SYN2: variants seen among roughly 807,000 people sequenced by gnomAD.
SYN2 encodes the protein synapsin II.
Under a neutral mutation model 50.9 loss-of-function variants are expected in SYN2, and 19 were observed. The observed-to-expected ratio is 0.37, with a 90% confidence interval of 0.26 to 0.55. The LOEUF is 0.55. Ranked by LOEUF, SYN2 falls within the 20% of genes least tolerant of loss-of-function variation. The pLI, the probability that SYN2 is intolerant of heterozygous loss-of-function variation, is 0.81. For missense variants in SYN2, 587 were observed against 576.4 expected (o/e 1.02, Z -0.19); for synonymous variants, 255 against 224.9 (o/e 1.13, Z -1.20).
chr3:12,175,700 G>C (rs928578609), intron 10 of SYN2, among the ~76,000 whole-genome samples: 2 of 152,244 alleles, frequency 1.3e-5, no homozygotes, highest in Non-Finnish European at 2.9e-5. Context: ...ATGGGGACAG[G>C]GAGCTGGGGC....
Position 12,049,531 on chromosome 3 carries a change from AT to A in SYN2, c.377+44604del, listed in dbSNP as rs1194034848. Among the ~76,000 whole-genome samples, 6 of 147,082 alleles carry A rather than the reference AT, an allele frequency of 4.1e-5. 1 individual carries two copies. Among genetic ancestry groups the A allele is most frequent in the African/African-American group, 1.6e-4 (6 of 37,356 alleles). On this transcript the variant is annotated intron_variant, in intron 1 of 12. Coordinates refer to ENST00000621198, the MANE Select transcript of SYN2 (RefSeq NM_133625.6). The stretch of plus-strand genomic sequence containing the variant: ...GAGACTCCGTCTCAAAAAAAAAAAA[AT>A]AATAAAAAATAAAAAAACTGAAAGA...
intron 1 of SYN2, among the ~76,000 whole-genome samples, chr3:12,024,662 A>C (rs1014852418): frequency 1.3e-5 from 2 of 152,218 alleles, no homozygotes; most frequent in Non-Finnish European, 2.9e-5. Flanking sequence ...TTCTCTGAAT[A>C]TATCACAGTT....
At chr3:12,046,332 G>A (rs372556791) in intron 1 of SYN2, among the ~76,000 whole-genome samples, 4 of 152,180 alleles carry the variant, frequency 2.6e-5, no homozygotes, top group African/African-American at 9.7e-5. Flanking sequence ...AACATCCTGG[G>A]AGAAAGAACA....
chr3:12,185,581 G>A (rs1475344842), intron 11 of SYN2: 1 of 985,876 alleles, frequency 1.0e-6, no homozygotes, highest in Non-Finnish European at 1.2e-6. Context: ...CAGGTGTTTT[G>A]TACCTATTTC....
chr3:12,102,802 G>A (rs1451836047), intron 1 of SYN2, among the ~76,000 whole-genome samples: 2 of 151,954 alleles, frequency 1.3e-5, no homozygotes, highest in Non-Finnish European at 2.9e-5. Context: ...TTAGTTTTTT[G>A]TTAAACCACA....
chr3:12,096,140 C>G (rs1228337221), intron 1 of SYN2, among the ~76,000 whole-genome samples: 1 of 152,196 alleles, frequency 6.6e-6, no homozygotes, highest in African/African-American at 2.4e-5. Flanking sequence ...TAGAATTTAT[C>G]TCATGTCATC....
intron 1 of SYN2, among the ~76,000 whole-genome samples, chr3:12,112,945 T>A (rs144754197): frequency 1.3e-5 from 2 of 152,298 alleles, no homozygotes; most frequent in Non-Finnish European, 2.9e-5. Flanking sequence ...GACCAGGGAA[T>A]GCTTTGTAGA....
chr3:12,078,286 T>TATAATATAATA (rs1695514203), intron 1 of SYN2, among the ~76,000 whole-genome samples: 1 of 152,220 alleles, frequency 6.6e-6, no homozygotes, highest in Non-Finnish European at 1.5e-5. Context: ...GTGATTATAG[T>TATAATATAATA]TTTTTGCTGT....
At chr3:12,184,330 G>T (rs551213189) in intron 11 of SYN2, 2 of 985,704 alleles carry the variant, frequency 2.0e-6, no homozygotes, top group Admixed American at 6.2e-5. Flanking sequence ...CCATGTGTGC[G>T]CTTGTGTGGA....
intron 1 of SYN2, among the ~76,000 whole-genome samples, chr3:12,067,782 A>T (rs1695251928): frequency 6.6e-6 from 1 of 152,238 alleles, no homozygotes; most frequent in Non-Finnish European, 1.5e-5. Context: ...AACTCAGGCC[A>T]GGCACGGTGG....
At chr3:12,008,829 G>A (rs1195259723) in intron 1 of SYN2, among the ~76,000 whole-genome samples, 1 of 152,216 alleles carries the variant, frequency 6.6e-6, no homozygotes, top group African/African-American at 2.4e-5. Flanking sequence ...AATCAAAAGA[G>A]ATAGGTTTGT....
chr3:12,070,809 G>C, intron 1 of SYN2: 1 of 614,768 alleles, frequency 1.6e-6, no homozygotes, highest in South Asian at 1.4e-5. Context: ...ACCTCATGAA[G>C]ATCCTCACCG....
At chr3:12,091,324 C>G (rs1208088669) in intron 1 of SYN2, among the ~76,000 whole-genome samples, 2 of 152,098 alleles carry the variant, frequency 1.3e-5, no homozygotes. Context: ...TAACCTTGCT[C>G]TAATATTTTC....
intron 1 of SYN2, among the ~76,000 whole-genome samples, chr3:12,078,542 A>C (rs1439287405): frequency 2.0e-5 from 3 of 152,170 alleles, no homozygotes; most frequent in African/African-American, 7.2e-5. Flanking sequence ...TTCTTCCAGC[A>C]CCATTTATTA....
chr3:12,152,851 G>A (rs536556133), intron 5 of SYN2, among the ~76,000 whole-genome samples: 3 of 152,316 alleles, frequency 2.0e-5, no homozygotes, highest in African/African-American at 7.2e-5. Flanking sequence ...GAGACAGTAA[G>A]TGCATTCTTA....
intron 1 of SYN2, among the ~76,000 whole-genome samples, chr3:12,080,318 G>C (rs544702528): frequency 1.2e-3 from 185 of 151,440 alleles, no homozygotes; most frequent in Non-Finnish European, 1.9e-3. Flanking sequence ...CCCACTCTGA[G>C]CTTGGTTATT....
intron 10 of SYN2, among the ~76,000 whole-genome samples, chr3:12,170,653 C>T (rs1232069421): frequency 6.6e-6 from 1 of 152,228 alleles, no homozygotes; most frequent in African/African-American, 2.4e-5. Context: ...ATGGGAAGAA[C>T]TTGGGACAAT....
intron 1 of SYN2, among the ~76,000 whole-genome samples, chr3:12,094,147 G>A (rs1695882346): frequency 6.6e-6 from 1 of 152,126 alleles, no homozygotes; most frequent in Admixed American, 6.5e-5. Context: ...GAGCCACCGT[G>A]CCTGGCCCCT....
At chr3:12,151,598 T>A (rs1224353008) in intron 5 of SYN2, among the ~76,000 whole-genome samples, 1 of 152,242 alleles carries the variant, frequency 6.6e-6, no homozygotes, top group Non-Finnish European at 1.5e-5. Context: ...CAGATCTCAC[T>A]GCTTTTGAGT....
Sources: gnomAD v4.1 joint callset for allele counts (sites outside exome capture counted in the v4.1 genomes callset) on GRCh38, gnomAD v4.1.1 for gene constraint, MANE v1.5 for transcripts, NCBI Gene and HGNC (gene_info 2026-07-23, HGNC 2026-07-21) for gene names.